The following CACHD1 variants were observed in gnomAD, a reference collection of about 807,000 sequenced individuals.
CACHD1 encodes the protein VWFA and cache domain-containing protein 1.
CACHD1 carries 71 observed loss-of-function variants against 138.7 expected under a neutral mutation model. The ratio of observed to expected loss-of-function variants is 0.51; its 90% CI spans 0.42 to 0.62. The LOEUF is 0.62. CACHD1 is among the 20% of genes least tolerant of loss of function. The pLI is 0.00. For synonymous variants in CACHD1, 578 were observed against 591.5 expected (o/e 0.98, Z 0.33); for missense variants, 1,389 against 1,625.3 (o/e 0.85, Z 2.50).
At chr1:64,627,065 A>G (rs931811373) in intron 4 of CACHD1, among the ~76,000 whole-genome samples, 4 of 152,170 alleles carry the variant, frequency 2.6e-5, no homozygotes, top group Non-Finnish European at 4.4e-5. Context: ...ATATAAATAC[A>G]GTGAACTAGA....
chr1:64,605,444 T>C lies in CACHD1; in HGVS notation c.517+2532T>C, dbSNP rs980918581. 3.3e-5 allele frequency among the ~76,000 whole-genome samples: 5 copies of C among 152,298 alleles called. No homozygotes were observed. In the East Asian group the frequency reaches 9.7e-4, roughly 29 times the overall value. ...TCTTAAATTAAGCATTTGCTGTTTT[T>C]ATAATCAGGGAAAAAATAAAAAAAG... is the stretch of plus-strand genomic sequence containing the variant. On this transcript the variant is annotated intron_variant, in intron 4 of 26. Transcript: ENST00000651257.
At chr1:64,530,606 C>T (rs1440453980) in intron 1 of CACHD1, among the ~76,000 whole-genome samples, 1 of 152,006 alleles carries the variant, frequency 6.6e-6, no homozygotes, top group African/African-American at 2.4e-5. Context: ...TGCGGTGGCT[C>T]ACGCCTGTAA....
intron 1 of CACHD1, among the ~76,000 whole-genome samples, chr1:64,496,834 A>G (rs1168211520): frequency 6.6e-6 from 1 of 151,586 alleles, no homozygotes; most frequent in East Asian, 1.9e-4. Flanking sequence ...CAATTTCCTC[A>G]AAACCTAGAT....
At chr1:64,554,327 T>G (rs891801059) in intron 2 of CACHD1, among the ~76,000 whole-genome samples, 9 of 152,258 alleles carry the variant, frequency 5.9e-5, no homozygotes, top group Non-Finnish European at 1.2e-4. Context: ...GGTAGAACTG[T>G]GTGTTGTATG....
At chr1:64,518,839 A>G (rs900755754) in intron 1 of CACHD1, among the ~76,000 whole-genome samples, 3 of 151,978 alleles carry the variant, frequency 2.0e-5, no homozygotes, top group African/African-American at 2.4e-5. Context: ...TAGTGTGGGT[A>G]TTTTCCTGCT....
At chr1:64,681,913 A>C in intron 25 of CACHD1, 92 bp from the exon 26 acceptor site, 4 of 1,063,244 alleles carry the variant, frequency 3.8e-6, no homozygotes, top group Non-Finnish European at 5.8e-6. Context: ...GAATTCTCCC[A>C]GCATGTAAAT....
intron 13 of CACHD1, among the ~76,000 whole-genome samples, chr1:64,662,400 C>G (rs992223611): frequency 2.0e-5 from 3 of 152,120 alleles, no homozygotes; most frequent in African/African-American, 7.2e-5. Context: ...TTTCCAACAC[C>G]CCACCTGCTA....
intron 1 of CACHD1, among the ~76,000 whole-genome samples, chr1:64,490,915 G>A (rs1646271018): frequency 6.6e-6 from 1 of 152,146 alleles, no homozygotes; most frequent in African/African-American, 2.4e-5. Context: ...TCCAAACATG[G>A]ACTGAAAACT....
intron 13 of CACHD1, among the ~76,000 whole-genome samples, chr1:64,662,741 A>G (rs529208128): frequency 6.6e-6 from 1 of 152,358 alleles, no homozygotes; most frequent in African/African-American, 2.4e-5. Context: ...GAGAATTTTT[A>G]TCTTAAATAG....
At chr1:64,552,534 A>C (rs911967928) in intron 2 of CACHD1, among the ~76,000 whole-genome samples, 5 of 143,182 alleles carry the variant, frequency 3.5e-5, no homozygotes, top group Admixed American at 2.9e-4. Flanking sequence ...CAGTGGTGGG[A>C]TCATAGCTCA....
At chr1:64,598,584 C>A (rs1647179633) in intron 3 of CACHD1, among the ~76,000 whole-genome samples, 1 of 152,098 alleles carries the variant, frequency 6.6e-6, no homozygotes, top group Non-Finnish European at 1.5e-5. Flanking sequence ...CCTACAGTCC[C>A]ATTGGGGGAA....
At chr1:64,526,034 A>G (rs1439567682) in intron 1 of CACHD1, among the ~76,000 whole-genome samples, 1 of 152,140 alleles carries the variant, frequency 6.6e-6, no homozygotes, top group Non-Finnish European at 1.5e-5. Context: ...GCATTGCTTT[A>G]TTTGATTTGT....
intron 20 of CACHD1, 118 bp downstream of exon 20, chr1:64,675,679 TCA>T (rs796356912): frequency 7.8e-7 from 1 of 1,287,802 alleles, no homozygotes; most frequent in Non-Finnish European, 1.1e-6. Context: ...TGAAGAAAAG[TCA>T]CAGTTACAAA....
chr1:64,615,677 G>A (rs192917500), intron 4 of CACHD1, among the ~76,000 whole-genome samples: 2 of 152,078 alleles, frequency 1.3e-5, no homozygotes, highest in East Asian at 1.9e-4. Flanking sequence ...GAAGGACTTC[G>A]GTGAAAAAAG....
intron 21 of CACHD1, 43 bp downstream of exon 21, chr1:64,676,026 ATAATAATAAT>A: frequency 2.3e-6 from 1 of 436,008 alleles, no homozygotes; most frequent in Non-Finnish European, 3.1e-6. Flanking sequence ...AATAATAATA[ATAATAATAAT>A]AATACATATG....
intron 1 of CACHD1, among the ~76,000 whole-genome samples, chr1:64,477,886 G>A (rs978174855): frequency 1.3e-5 from 2 of 148,996 alleles, no homozygotes; most frequent in African/African-American, 2.5e-5. Flanking sequence ...CACCCGCCTC[G>A]GCCTCCCAAA....
Position 64,677,072 on chromosome 1 carries a change from C to T in CACHD1, c.3092+61C>T, listed in dbSNP as rs202105842. On this transcript the variant is annotated intron_variant, in intron 22 of 26. Coordinates refer to ENST00000651257, the MANE Select transcript of CACHD1 (RefSeq NM_020925.4). ...GCTAATATTTATTATTCCTACTCTT[C>T]GTGTTTTAAAAAGGTATGTCAGTTT... is the stretch of plus-strand genomic sequence containing the variant. 2.2e-4 allele frequency: 286 copies of T among 1,320,440 alleles called. 1 individual carries two copies. Among genetic ancestry groups the T allele is most frequent in the Admixed American group, 5.0e-4 (27 of 53,674 alleles). 81.8% of individuals were successfully genotyped at this position (1,320,440 alleles called of 1,614,324 possible).
rs770528162 is a variant in CACHD1, at chr1:64,678,146, G to C, written c.3093-13G>C. 2 of 1,608,300 alleles carry C rather than the reference G, an allele frequency of 1.2e-6. No homozygotes were observed. The highest frequency in any genetic ancestry group is 2.7e-5 in the African/African-American group (2 of 74,680). ...ACTGCTTTATAGAAGACTAAGTATT[G>C]TTTTTCTGGCAGGGACTGTTTTGGG... On this transcript the variant is annotated splice_polypyrimidine_tract_variant and intron_variant, in intron 22 of 26. Coordinates refer to ENST00000651257, the MANE Select transcript of CACHD1 (RefSeq NM_020925.4).
At chr1:64,655,633 A>T (rs1038351250) in intron 12 of CACHD1, among the ~76,000 whole-genome samples, 1 of 152,168 alleles carries the variant, frequency 6.6e-6, no homozygotes, top group African/African-American at 2.4e-5. Context: ...GCTTTCTCTT[A>T]CCAGATTCTT....
Sources: gnomAD v4.1 joint callset for allele counts (sites outside exome capture counted in the v4.1 genomes callset) on GRCh38, gnomAD v4.1.1 for gene constraint, MANE v1.5 for transcripts, NCBI Gene and HGNC (gene_info 2026-07-23, HGNC 2026-07-21) for gene names.